The following ARID1B variants were observed in gnomAD, a reference collection of about 807,000 sequenced individuals.
The protein encoded by ARID1B is AT-rich interactive domain-containing protein 1B.
In ARID1B, 30 loss-of-function variants were observed where a neutral mutation model predicts 212.3. That is an observed-to-expected ratio of 0.14 (90% CI 0.11 to 0.19). The LOEUF (loss-of-function observed/expected upper bound fraction) is 0.19, where lower values mean the gene tolerates loss of function less well. ARID1B is among the 10% of genes least tolerant of loss of function. The pLI is 1.00. For synonymous variants in ARID1B, 1,402 were observed against 1,301.7 expected (o/e 1.08, Z -1.66); for missense variants, 2,891 against 3,204.0 (o/e 0.90, Z 2.36).
At chr6:156,877,855 G>A (rs117958716) in intron 2 of ARID1B, among the ~76,000 whole-genome samples, 2,325 of 151,136 alleles carry the variant, frequency 0.015, 30 homozygotes, top group Non-Finnish European at 0.025. Flanking sequence ...GACTACAGGC[G>A]TGTGCCTCCA....
At chr6:156,944,520 G>A (rs1357321121) in intron 4 of ARID1B, among the ~76,000 whole-genome samples, 1 of 152,178 alleles carries the variant, frequency 6.6e-6, no homozygotes, top group Non-Finnish European at 1.5e-5. Context: ...TCATGGGAAA[G>A]GGAAGGGGGA....
At chr6:156,820,979 T>C (rs1782311624) in intron 1 of ARID1B, among the ~76,000 whole-genome samples, 2 of 152,236 alleles carry the variant, frequency 1.3e-5, no homozygotes, top group Admixed American at 1.3e-4. Flanking sequence ...AGTCCAAGGC[T>C]CTGTCTCCCC....
intron 13 of ARID1B, 91 bp from the exon 14 acceptor site, chr6:157,189,551 A>C (rs1439546837): frequency 7.3e-7 from 1 of 1,363,884 alleles, no homozygotes; most frequent in Non-Finnish European, 9.9e-7. Context: ...ATTTACATTT[A>C]TGTCTTTCAT....
chr6:156,798,857 A>G (rs927906143), intron 1 of ARID1B, among the ~76,000 whole-genome samples: 3 of 152,086 alleles, frequency 2.0e-5, no homozygotes, highest in African/African-American at 4.8e-5. Context: ...TTAATTGTAC[A>G]TTTTCTCTTT....
chr6:156,839,616 C>T (rs1783753286), intron 2 of ARID1B, among the ~76,000 whole-genome samples: 1 of 152,158 alleles, frequency 6.6e-6, no homozygotes, highest in Non-Finnish European at 1.5e-5. Flanking sequence ...TCCTCCTTGG[C>T]GTCAAAATAA....
intron 11 of ARID1B, 41 bp from the exon 12 acceptor site, chr6:157,180,928 C>G (rs2128316318): frequency 1.9e-6 from 3 of 1,568,308 alleles, no homozygotes; most frequent in Non-Finnish European, 2.6e-6. Context: ...CTCCCTCTGC[C>G]CACCCATGCC....
intron 11 of ARID1B, among the ~76,000 whole-genome samples, chr6:157,177,003 A>T (rs1792143913): frequency 6.6e-6 from 1 of 152,256 alleles, no homozygotes; most frequent in Non-Finnish European, 1.5e-5. Context: ...GATTATCTCC[A>T]TCCACTGTAG....
intron 4 of ARID1B, among the ~76,000 whole-genome samples, chr6:157,073,223 C>G (rs1485655710): frequency 6.6e-6 from 1 of 151,814 alleles, no homozygotes; most frequent in Non-Finnish European, 1.5e-5. Flanking sequence ...CTGCCCCAGC[C>G]TCCTGAATAG....
At chr6:157,021,491 C>G (rs1262062284) in intron 4 of ARID1B, among the ~76,000 whole-genome samples, 3 of 152,202 alleles carry the variant, frequency 2.0e-5, no homozygotes, top group African/African-American at 4.8e-5. Context: ...CCTTTCGGCC[C>G]GACCCGGGCG....
At chr6:156,972,335 A>G (rs1035184492) in intron 4 of ARID1B, among the ~76,000 whole-genome samples, 7 of 152,188 alleles carry the variant, frequency 4.6e-5, no homozygotes, top group African/African-American at 7.2e-5. Context: ...GGCCAGCCAA[A>G]GGCCCAGGGG....
rs760022925 is a variant in ARID1B at position 157,133,176 on chromosome 6, C to T, written c.2730C>T (p.Tyr910=). The T allele has an allele frequency of 8.1e-6, 13 of 1,613,160 alleles. No individual in the cohort carries two copies. Among genetic ancestry groups the T allele is most frequent in the South Asian group, 3.3e-5 (3 of 90,870 alleles). ...SFQQSNSSGT[Y]GPQMSQYGPQ... ...AGCAGAGTAACTCAAGTGGGACTTACGGTCCACAGATGAGCCAGTATGGAC... is the reference window on the plus strand; with the variant it reads ...AGCAGAGTAACTCAAGTGGGACTTATGGTCCACAGATGAGCCAGTATGGAC... The change falls in exon 7 of 20, where the codon TAC becomes TAT. Residue 910 remains tyrosine (Y), a synonymous_variant. Transcript: ENST00000636930.
intron 4 of ARID1B, among the ~76,000 whole-genome samples, chr6:157,031,417 G>A (rs1266929986): frequency 6.6e-6 from 1 of 152,182 alleles, no homozygotes; most frequent in East Asian, 1.9e-4. Flanking sequence ...CTTTCCAAGA[G>A]CATCTAAATT....
chr6:156,848,199 G>A (rs1784350813), intron 2 of ARID1B, among the ~76,000 whole-genome samples: 1 of 152,190 alleles, frequency 6.6e-6, no homozygotes, highest in Non-Finnish European at 1.5e-5. Flanking sequence ...ATAATCCTTA[G>A]CTCCTCAGCC....
In ARID1B at chr6:156,779,450, A is replaced by C. The variant is rs1779028992; in HGVS notation, c.1770A>C (p.Gly590=). The change falls in exon 1 of 20, where the codon GGA becomes GGC. Residue 590 remains glycine, a synonymous_variant. Transcript: ENST00000636930. ...CGGCGATGAGCCCCGGCACCCCCGG[A>C]CCGACCATGGGCAGATCCCAGGTAA... ...SHPAMSPGTP[G]PTMGRSQGSP... 6.9e-7 allele frequency: 1 copy of C among 1,454,078 alleles called. No individual in the cohort carries two copies. The allele number at this position is 1,454,078 out of a possible 1,614,324, so 90.1% of individuals were successfully genotyped here.
At chr6:156,893,471 A>T (rs1316704701) in intron 2 of ARID1B, among the ~76,000 whole-genome samples, 2 of 152,236 alleles carry the variant, frequency 1.3e-5, no homozygotes, top group African/African-American at 4.8e-5. Flanking sequence ...TGAGCATCAA[A>T]GGAGACTATC....
intron 2 of ARID1B, among the ~76,000 whole-genome samples, chr6:156,843,809 C>T (rs1784055078): frequency 6.6e-6 from 1 of 152,158 alleles, no homozygotes; most frequent in Non-Finnish European, 1.5e-5. Flanking sequence ...CAGATGTTTA[C>T]TGGTAGCCCT....
At chr6:157,022,592 C>T (rs940448926) in intron 4 of ARID1B, 2 of 152,186 alleles carry the variant, frequency 1.3e-5, no homozygotes, top group Non-Finnish European at 2.9e-5. Context: ...AGCTAAACAA[C>T]ACATGAAACT....
At chr6:156,834,248 G>T (rs941410802) in intron 2 of ARID1B, among the ~76,000 whole-genome samples, 2 of 151,984 alleles carry the variant, frequency 1.3e-5, no homozygotes, top group Non-Finnish European at 2.9e-5. Flanking sequence ...AATAGTCAGG[G>T]CTTAATTTTT....
intron 6 of ARID1B, among the ~76,000 whole-genome samples, chr6:157,125,870 G>A (rs1199912435): frequency 6.6e-6 from 1 of 152,158 alleles, no homozygotes; most frequent in Non-Finnish European, 1.5e-5. Context: ...TACTTTTCTT[G>A]TCTCATATAA....
Sources: gnomAD v4.1 joint callset for allele counts (sites outside exome capture counted in the v4.1 genomes callset) on GRCh38, gnomAD v4.1.1 for gene constraint, MANE v1.5 for transcripts, NCBI Gene and HGNC (gene_info 2026-07-23, HGNC 2026-07-21) for gene names.